Variants in PDLIM5 observed in about 807,000 individuals in gnomAD.
PDLIM5 encodes the protein PDZ and LIM domain protein 5.
In PDLIM5, 34 loss-of-function variants were observed where a neutral mutation model predicts 64.2. The ratio of observed to expected loss-of-function variants is 0.53; its 90% CI spans 0.40 to 0.71. The LOEUF is 0.71. Ranked by LOEUF, PDLIM5 falls within the 30% of genes least tolerant of loss-of-function variation. The probability of loss-of-function intolerance (pLI) is 0.00; values close to 1 mark genes in which losing one functional copy is unlikely to be tolerated. For missense variants in PDLIM5, 683 were observed against 733.6 expected (o/e 0.93, Z 0.80); for synonymous variants, 253 against 269.1 (o/e 0.94, Z 0.59).
At chr4:94,556,258 G>A (rs1011930718) in intron 3 of PDLIM5, among the ~76,000 whole-genome samples, 1 of 152,154 alleles carries the variant, frequency 6.6e-6, no homozygotes, top group Non-Finnish European at 1.5e-5. Context: ...TGACTGCATA[G>A]TGTTCCATGG....
chr4:94,557,240 G>T (rs1166496443), intron 3 of PDLIM5, among the ~76,000 whole-genome samples: 1 of 151,984 alleles, frequency 6.6e-6, no homozygotes, highest in Admixed American at 6.6e-5. Flanking sequence ...ATTTCTGAGG[G>T]CTCTGTTCTG....
intron 2 of PDLIM5, among the ~76,000 whole-genome samples, chr4:94,492,947 A>G (rs1388765505): frequency 1.3e-5 from 2 of 152,172 alleles, no homozygotes; most frequent in African/African-American, 4.8e-5. Context: ...AGGAACTATG[A>G]GACTATTTTC....
At chr4:94,627,944 C>T (rs1319809121) in intron 8 of PDLIM5, among the ~76,000 whole-genome samples, 4 of 152,170 alleles carry the variant, frequency 2.6e-5, no homozygotes, top group Non-Finnish European at 5.9e-5. Flanking sequence ...GTATCTTCCA[C>T]ACCAGAAGAA....
rs753485607 is a variant in PDLIM5, at chr4:94,455,373, A to T, written c.85A>T (p.Thr29Ser). The T allele has an allele frequency of 2.5e-6, 4 of 1,606,726 alleles. No individual in the cohort carries two copies. Among genetic ancestry groups the T allele is most frequent in the Middle Eastern group, 1.7e-4 (1 of 6,050 alleles). Residue 29 changes from threonine to serine, a missense_variant, in exon 2 of 13, where the codon ACA becomes TCA. Coordinates refer to ENST00000317968, the MANE Select transcript of PDLIM5 (RefSeq NM_006457.5). Reference sequence around the variant, plus strand: ...CGGTAAGGATTTCAACATGCCTCTGACAATCTCTAGTGTAAGTAAACTTTA... The same window carrying T: ...CGGTAAGGATTTCAACATGCCTCTGTCAATCTCTAGTGTAAGTAAACTTTA... Reference protein sequence around the residue: ...QGGKDFNMPLTISSLKDGGKA... With the variant: ...QGGKDFNMPLSISSLKDGGKA...
At chr4:94,653,090 T>A (rs1385398503) in intron 9 of PDLIM5, among the ~76,000 whole-genome samples, 2 of 152,114 alleles carry the variant, frequency 1.3e-5, no homozygotes, top group Non-Finnish European at 2.9e-5. Context: ...AAGTCTGGTG[T>A]CTGATGCTTA....
chr4:94,583,679 T>C (rs183098586), intron 5 of PDLIM5, among the ~76,000 whole-genome samples: 2 of 152,340 alleles, frequency 1.3e-5, no homozygotes, highest in East Asian at 3.9e-4. Flanking sequence ...TGTGGAATCA[T>C]GATATTACCA....
intron 3 of PDLIM5, among the ~76,000 whole-genome samples, chr4:94,568,872 T>C (rs1482599123): frequency 6.6e-6 from 1 of 152,244 alleles, no homozygotes; most frequent in Non-Finnish European, 1.5e-5. Flanking sequence ...TTAAGTGTTA[T>C]ATCTTTGTTG....
intron 3 of PDLIM5, among the ~76,000 whole-genome samples, chr4:94,567,083 T>G (rs996314923): frequency 6.6e-6 from 1 of 152,202 alleles, no homozygotes; most frequent in Non-Finnish European, 1.5e-5. Flanking sequence ...AAGCTCCGCC[T>G]CCCGGTTCAC....
chr4:94,611,794 G>T (rs1738386037), intron 7 of PDLIM5, among the ~76,000 whole-genome samples: 1 of 152,184 alleles, frequency 6.6e-6, no homozygotes, highest in East Asian at 1.9e-4. Context: ...TGTATACAAT[G>T]ATTTTTGACA....
intron 11 of PDLIM5, among the ~76,000 whole-genome samples, chr4:94,660,399 C>T (rs574365932): frequency 3.3e-5 from 5 of 152,254 alleles, no homozygotes; most frequent in South Asian, 2.1e-4. Context: ...TCTATATTCA[C>T]GTTTCATTGC....
intron 2 of PDLIM5, among the ~76,000 whole-genome samples, chr4:94,486,684 TC>T (rs1726367541): frequency 6.6e-6 from 1 of 152,164 alleles, no homozygotes; most frequent in Non-Finnish European, 1.5e-5. Flanking sequence ...GCTTGGAATT[TC>T]TTGCTACCAT....
chr4:94,523,168 A>G (rs772926942), intron 2 of PDLIM5, among the ~76,000 whole-genome samples: 10 of 152,204 alleles, frequency 6.6e-5, no homozygotes, highest in Non-Finnish European at 1.0e-4. Context: ...TAGAGCAGGA[A>G]GCACACCCAG....
intron 3 of PDLIM5, among the ~76,000 whole-genome samples, chr4:94,537,374 T>G (rs1383597249): frequency 6.6e-6 from 1 of 152,204 alleles, no homozygotes; most frequent in Non-Finnish European, 1.5e-5. Context: ...TATTTATTAG[T>G]CCAGAATGTT....
chr4:94,568,801 A>T (rs889250597), intron 3 of PDLIM5, among the ~76,000 whole-genome samples: 17 of 152,236 alleles, frequency 1.1e-4, no homozygotes, highest in African/African-American at 3.6e-4. Flanking sequence ...TAAAACACTT[A>T]TTCTTAAAAA....
chr4:94,584,832 A>G (rs1736028599), intron 5 of PDLIM5: 2 of 597,892 alleles, frequency 3.3e-6, no homozygotes, highest in Non-Finnish European at 6.0e-6. Context: ...TTCGTATGGC[A>G]TACAGTGAAC....
intron 7 of PDLIM5, chr4:94,610,259 G>A (rs1738258401): frequency 2.0e-6 from 3 of 1,520,894 alleles, no homozygotes; most frequent in Non-Finnish European, 8.8e-7. Context: ...GCAGTTCTGA[G>A]CAGCGCAGCT....
At chr4:94,540,485 A>G (rs1293501646) in intron 3 of PDLIM5, among the ~76,000 whole-genome samples, 2 of 152,228 alleles carry the variant, frequency 1.3e-5, no homozygotes, top group African/African-American at 4.8e-5. Flanking sequence ...AACGTCACAC[A>G]GCCAGGATGA....
chr4:94,621,889 CAA>C (rs1420001955), intron 8 of PDLIM5, among the ~76,000 whole-genome samples: 2 of 151,910 alleles, frequency 1.3e-5, no homozygotes, highest in African/African-American at 2.4e-5. Context: ...CATTATAAAA[CAA>C]AATTATAAAA....
intron 8 of PDLIM5, among the ~76,000 whole-genome samples, chr4:94,624,035 G>A (rs1739462297): frequency 6.6e-6 from 1 of 151,998 alleles, no homozygotes; most frequent in Admixed American, 6.6e-5. Flanking sequence ...TGAGGGCTAG[G>A]CACTGTGGCT....
Sources: gnomAD v4.1 joint callset for allele counts (sites outside exome capture counted in the v4.1 genomes callset) on GRCh38, gnomAD v4.1.1 for gene constraint, MANE v1.5 for transcripts, NCBI Gene and HGNC (gene_info 2026-07-23, HGNC 2026-07-21) for gene names.